Variants in SAP130 observed in about 807,000 individuals in gnomAD.
SAP130 encodes Sin3A associated protein 130, also known as histone deacetylase complex subunit SAP130.
A neutral mutation model predicts 103.2 loss-of-function variants in SAP130; 16 were observed. The observed-to-expected ratio is 0.16, with a 90% CI of 0.10 to 0.24. The LOEUF (loss-of-function observed/expected upper bound fraction) is 0.24. Ranked by LOEUF, SAP130 falls within the 10% of genes least tolerant of loss-of-function variation. The probability of loss-of-function intolerance (pLI) is 1.00; values close to 1 mark genes in which losing one functional copy is unlikely to be tolerated. For missense variants in SAP130, 990 were observed against 1,359.7 expected (o/e 0.73, Z 4.28); for synonymous variants, 477 against 497.0 (o/e 0.96, Z 0.53).
At chr2:127,969,026 G>A (rs986424804) in intron 15 of SAP130, among the ~76,000 whole-genome samples, 2 of 152,038 alleles carry the variant, frequency 1.3e-5, no homozygotes, top group African/African-American at 4.8e-5. Flanking sequence ...TATTGAAAAC[G>A]CTTACCAATC....
intron 7 of SAP130, among the ~76,000 whole-genome samples, chr2:128,002,214 G>T (rs1181997632): frequency 6.6e-6 from 1 of 152,180 alleles, no homozygotes; most frequent in Non-Finnish European, 1.5e-5. Flanking sequence ...AATGTGCCCG[G>T]CCAAAACTTT....
At chr2:127,970,189 C>T (rs1680974469) in intron 15 of SAP130, among the ~76,000 whole-genome samples, 1 of 146,618 alleles carries the variant, frequency 6.8e-6, no homozygotes, top group Non-Finnish European at 1.5e-5. Flanking sequence ...GATTACCTCA[C>T]TGCACTCCAG....
At chr2:127,949,749 G>GT (rs1679363652) in intron 18 of SAP130, 120 bp downstream of exon 18, 2 of 1,060,842 alleles carry the variant, frequency 1.9e-6, no homozygotes, top group Admixed American at 5.1e-5. Flanking sequence ...TCAAGATTTT[G>GT]TAACAAAAAC....
chr2:127,978,176 A>G lies in SAP130; in HGVS notation c.1959-87T>C, dbSNP rs557246288. The G allele has an allele frequency of 2.8e-5, 26 of 937,608 alleles. No homozygotes were observed. In the South Asian group the frequency reaches 3.6e-4, roughly 13 times the overall value. The allele number at this position is 937,608 out of a possible 1,614,324, so 58.1% of individuals were successfully genotyped here. On this transcript the variant is annotated intron_variant, in intron 14 of 20. Transcript: ENST00000643581. ...TACAGGATGCACATTTGCCAGGCAT[A>G]CCTAGGACAAAATAAAGCCCTACAT... is the stretch of plus-strand genomic sequence containing the variant.
intron 19 of SAP130, among the ~76,000 whole-genome samples, chr2:127,943,330 C>T (rs1678840098): frequency 6.6e-6 from 1 of 152,110 alleles, no homozygotes; most frequent in African/African-American, 2.4e-5. Flanking sequence ...TAGAAATGGC[C>T]AAACATATAA....
chr2:127,981,576 A>C (rs930680360), intron 14 of SAP130, among the ~76,000 whole-genome samples: 4 of 12,102 alleles, frequency 3.3e-4, no homozygotes, highest in Admixed American at 1.3e-3. Context: ...CAGCTCCCCC[A>C]CCCCGACCCA....
intron 18 of SAP130, among the ~76,000 whole-genome samples, chr2:127,947,180 TCTC>T (rs1373301361): frequency 6.6e-6 from 1 of 151,796 alleles, no homozygotes; most frequent in Non-Finnish European, 1.5e-5. Flanking sequence ...AAGGAAGGAT[TCTC>T]CTCTACTGCT....
chr2:127,966,601 G>A (rs1416189728), intron 15 of SAP130, among the ~76,000 whole-genome samples: 2 of 152,156 alleles, frequency 1.3e-5, no homozygotes, highest in African/African-American at 2.4e-5. Context: ...TACTCAGGAG[G>A]CTGAGGCAGG....
chr2:127,986,884 G>C lies in SAP130; in HGVS notation c.1859C>G (p.Thr620Ser), dbSNP rs1284280711. ...NPFSAAPAATTVVQTHSQSAS... is the reference protein window; with the variant it reads ...NPFSAAPAATSVVQTHSQSAS... ...ACTCTGGCTGTGGGTCTGCACCACG[G>C]TTGTTGCTGCTGGAGCAGCACTGAA... is the stretch of plus-strand genomic sequence containing the variant. The change falls in exon 14 of 21, where the codon ACC (threonine) becomes AGC (serine). Residue 620 changes from threonine to serine, a missense_variant. Thr to Ser is a moderately conservative substitution (Grantham distance 58, BLOSUM62 1). Coordinates refer to ENST00000643581, the MANE Select transcript of SAP130 (RefSeq NM_001330301.2). This position sits in a 1 kb window ranked among gnomAD's most constrained non-coding sequence, Gnocchi z 4.7. 6.2e-7 allele frequency: 1 copy of C among 1,614,258 alleles called. No individual in the cohort carries two copies. The highest frequency in any genetic ancestry group is 1.7e-5 in the Admixed American group (1 of 60,034).
intron 15 of SAP130, among the ~76,000 whole-genome samples, chr2:127,973,651 T>C (rs149775660): frequency 6.6e-6 from 1 of 152,346 alleles, no homozygotes; most frequent in African/African-American, 2.4e-5. Context: ...CCTGCTATTC[T>C]CATAGCTTTC....
chr2:127,978,276 C>T (rs901006831), intron 14 of SAP130, among the ~76,000 whole-genome samples, 187 bp from the exon 15 acceptor site: 2 of 151,774 alleles, frequency 1.3e-5, no homozygotes, highest in African/African-American at 2.4e-5. Flanking sequence ...TCAAATAGTA[C>T]ACAAAATCTT....
chr2:127,968,773 C>T (rs1172049969), intron 15 of SAP130, among the ~76,000 whole-genome samples: 1 of 152,108 alleles, frequency 6.6e-6, no homozygotes, highest in Non-Finnish European at 1.5e-5. Flanking sequence ...ACCTCAGCCT[C>T]CCAAAGCGCT....
intron 11 of SAP130, among the ~76,000 whole-genome samples, chr2:127,994,091 T>C (rs955012849): frequency 6.6e-6 from 1 of 152,206 alleles, no homozygotes; most frequent in African/African-American, 2.4e-5. Context: ...ATAAAGTTTA[T>C]CATAGGGAGA....
chr2:128,012,964 T>C, intron 6 of SAP130, 66 bp downstream of exon 6: 2 of 1,468,274 alleles, frequency 1.4e-6, no homozygotes, highest in East Asian at 2.5e-5. Flanking sequence ...GTCAAGGATG[T>C]GCCTAGTGCC....
intron 2 of SAP130, 144 bp from the exon 3 acceptor site, chr2:128,018,059 TG>T: frequency 1.6e-6 from 1 of 638,614 alleles, no homozygotes; most frequent in Non-Finnish European, 2.7e-6. Flanking sequence ...AAGGTCAATA[TG>T]GGCACTGGAT....
chr2:127,944,456 GTT>G (rs1343288621), intron 19 of SAP130, among the ~76,000 whole-genome samples: 1 of 151,554 alleles, frequency 6.6e-6, no homozygotes, highest in African/African-American at 2.4e-5. Context: ...CCGAGAGGGA[GTT>G]TTGCTCTTTC....
chr2:127,996,278 T>G lies in SAP130; in HGVS notation c.1355+72A>C. ...AATATAGGCCATATTTGTGGGACAC[T>G]TTGTTTTATGCTGATAAAGCAGAAC... On this transcript the variant is annotated intron_variant, in intron 11 of 20. Transcript: ENST00000643581. This position sits in a 1 kb window ranked among gnomAD's most constrained non-coding sequence, Gnocchi z 4.3. 7.4e-7 allele frequency: 1 copy of G among 1,343,790 alleles called. No individual in the cohort carries two copies. Among genetic ancestry groups the G allele is most frequent in the Non-Finnish European group, 9.8e-7 (1 of 1,022,954 alleles). The allele number at this position is 1,343,790 out of a possible 1,614,324, so 83.2% of individuals were successfully genotyped here. A position where few individuals can be genotyped will look rare whatever the true frequency, so the allele number is the denominator to read the frequency against.
intron 15 of SAP130, among the ~76,000 whole-genome samples, chr2:127,957,629 T>C (rs1679935131): frequency 6.6e-6 from 1 of 150,708 alleles, no homozygotes; most frequent in African/African-American, 2.4e-5. Flanking sequence ...TGAGTTATGA[T>C]GGCACCACTG....
chr2:128,006,339 C>G (rs1344762518), intron 7 of SAP130, among the ~76,000 whole-genome samples: 2 of 152,148 alleles, frequency 1.3e-5, no homozygotes, highest in African/African-American at 4.8e-5. Flanking sequence ...AGACAAGGGT[C>G]AAAGAACTGA....
Sources: gnomAD v4.1 joint callset for allele counts (sites outside exome capture counted in the v4.1 genomes callset) on GRCh38, gnomAD v4.1.1 for gene constraint, Gnocchi (gnomAD v3.1) non-coding constraint, MANE v1.5 for transcripts, NCBI Gene and HGNC (gene_info 2026-07-23, HGNC 2026-07-21) for gene names.